DGKI: variants seen among roughly 807,000 people sequenced by gnomAD.
The protein encoded by DGKI is DAG kinase iota.
DGKI carries 55 observed loss-of-function variants against 147.5 expected under a neutral mutation model. That is an observed-to-expected ratio of 0.37 (90% confidence interval 0.30 to 0.47). The LOEUF (loss-of-function observed/expected upper bound fraction) is 0.47. Ranked by LOEUF, DGKI falls within the 20% of genes least tolerant of loss-of-function variation. DGKI has a pLI of 1.00. For synonymous variants in DGKI, 469 were observed against 477.1 expected, an observed-to-expected ratio of 0.98 and a Z score of 0.22; for missense variants, 1,007 against 1,323.8, an observed-to-expected ratio of 0.76 and a Z score of 3.71.
At chr7:137,625,352 C>T (rs968234172) in intron 6 of DGKI, among the ~76,000 whole-genome samples, 2 of 151,696 alleles carry the variant, frequency 1.3e-5, no homozygotes, top group South Asian at 2.1e-4. Context: ...CCCAGCTACT[C>T]GGGAGGCTGA....
intron 1 of DGKI, among the ~76,000 whole-genome samples, chr7:137,795,307 C>G (rs1052630033): frequency 1.3e-5 from 2 of 152,124 alleles, no homozygotes; most frequent in Non-Finnish European, 2.9e-5. Flanking sequence ...AACCAGTGGC[C>G]TAGTAGCTAT....
chr7:137,471,045 A>G (rs1038855589), intron 23 of DGKI, among the ~76,000 whole-genome samples: 3 of 152,246 alleles, frequency 2.0e-5, no homozygotes, highest in African/African-American at 7.2e-5. Context: ...TTAAGATTCC[A>G]AACTTTTAAA....
chr7:137,807,097 G>A (rs2116984254), intron 1 of DGKI, among the ~76,000 whole-genome samples: 1 of 152,292 alleles, frequency 6.6e-6, no homozygotes, highest in East Asian at 1.9e-4. Flanking sequence ...TCTGTTCTGT[G>A]TGATTACGAG....
chr7:137,826,526 G>A (rs780467431), intron 1 of DGKI, among the ~76,000 whole-genome samples: 28 of 152,332 alleles, frequency 1.8e-4, no homozygotes, highest in Admixed American at 8.5e-4. Context: ...ATGTAACAGT[G>A]TTAGACAGTA....
chr7:137,485,118 T>C (rs1815506934), intron 23 of DGKI, among the ~76,000 whole-genome samples: 1 of 152,066 alleles, frequency 6.6e-6, no homozygotes, highest in Non-Finnish European at 1.5e-5. Flanking sequence ...TTCTGGTATT[T>C]GTTACTGAAA....
intron 6 of DGKI, among the ~76,000 whole-genome samples, chr7:137,642,158 C>A (rs940490802): frequency 6.6e-6 from 1 of 152,210 alleles, no homozygotes; most frequent in African/African-American, 2.4e-5. Context: ...CTCCATCCTT[C>A]TCTACTCAAT....
chr7:137,763,254 C>T (rs1795914562), intron 1 of DGKI, among the ~76,000 whole-genome samples: 1 of 152,214 alleles, frequency 6.6e-6, no homozygotes, highest in Non-Finnish European at 1.5e-5. Context: ...AAGAATGATG[C>T]TATCTGACTA....
At chr7:137,544,981 AGAAATATACAG>A (rs1817818444) in intron 20 of DGKI, among the ~76,000 whole-genome samples, 1 of 152,226 alleles carries the variant, frequency 6.6e-6, no homozygotes, top group Non-Finnish European at 1.5e-5. Context: ...GTGGGCCTTG[AGAAATATACAG>A]GATCCTGACA....
intron 3 of DGKI, among the ~76,000 whole-genome samples, chr7:137,671,792 A>G (rs1822850425): frequency 6.6e-6 from 1 of 152,238 alleles, no homozygotes; most frequent in South Asian, 2.1e-4. Flanking sequence ...TGCAAGCAAC[A>G]TTAGAAGAAA....
chr7:137,699,803 G>A (rs933622885), intron 1 of DGKI, among the ~76,000 whole-genome samples: 1 of 152,060 alleles, frequency 6.6e-6, no homozygotes, highest in Non-Finnish European at 1.5e-5. Context: ...AATTTCACCT[G>A]GACGCCTATA....
At chr7:137,517,593 G>A (rs1290150300) in intron 21 of DGKI, among the ~76,000 whole-genome samples, 2 of 152,182 alleles carry the variant, frequency 1.3e-5, no homozygotes, top group South Asian at 4.1e-4. Context: ...AACGCACCAT[G>A]GTAATGTAAA....
In DGKI at chr7:137,521,952, G is replaced by A. The variant is rs1431090838; in HGVS notation, c.2162C>T (p.Pro721Leu). 1 of 1,610,810 alleles carries A rather than the reference G, an allele frequency of 6.2e-7. No individual in the cohort carries two copies. Among genetic ancestry groups the A allele is most frequent in the African/African-American group, 1.3e-5 (1 of 74,734 alleles). Residue 721 changes from proline (P) to leucine (L), a missense_variant, in exon 21 of 33, where the codon CCA becomes CTA. Coordinates refer to ENST00000614521, the MANE Select transcript of DGKI (RefSeq NM_001321708.2). The part of the protein sequence containing the change: ...MPLLNDPQSV[P>L]DRLRIRVNKI... Reference sequence around the variant, plus strand: ...GTTCACCCGGATCCTCAGACGATCTGGGACAGACTGGGGACTGCAAAACAA... The same window carrying A: ...GTTCACCCGGATCCTCAGACGATCTAGGACAGACTGGGGACTGCAAAACAA...
At chr7:137,786,843 T>TC (rs1796687415) in intron 1 of DGKI, among the ~76,000 whole-genome samples, 1 of 152,064 alleles carries the variant, frequency 6.6e-6, no homozygotes, top group Non-Finnish European at 1.5e-5. Flanking sequence ...CAACTGATCT[T>TC]CAACAAAACA....
At chr7:137,792,076 A>G (rs1796870957) in intron 1 of DGKI, among the ~76,000 whole-genome samples, 1 of 152,216 alleles carries the variant, frequency 6.6e-6, no homozygotes, top group Admixed American at 6.5e-5. Context: ...CTGAGGCATG[A>G]GCCATAGGTC....
chr7:137,506,644 T>G (rs565722816), intron 21 of DGKI, among the ~76,000 whole-genome samples: 24 of 152,200 alleles, frequency 1.6e-4, no homozygotes, highest in African/African-American at 4.8e-4. Flanking sequence ...TAGTAACAAA[T>G]GAACCACATT....
In DGKI at chr7:137,831,900, T is replaced by C. The variant is rs534703127; in HGVS notation, c.401+14562A>G. 5.3e-5 allele frequency among the ~76,000 whole-genome samples: 8 copies of C among 152,306 alleles called. No homozygotes were observed. In the South Asian group the frequency reaches 1.7e-3, roughly 32 times the overall value. On this transcript the variant is annotated intron_variant, in intron 1 of 32. Transcript: ENST00000614521. ...ACAAACATTGGGTAAATACAGCCAT[T>C]CCAAATGGGAGAGACTGGCCAAAAC...
chr7:137,661,222 G>A (rs896487996), intron 3 of DGKI, among the ~76,000 whole-genome samples: 1 of 152,152 alleles, frequency 6.6e-6, no homozygotes, highest in Non-Finnish European at 1.5e-5. Context: ...GAAGGCAGTA[G>A]GAAAAGAGCC....
In DGKI at chr7:137,632,469, T is replaced by C. The variant is rs548637818; in HGVS notation, c.805-8915A>G. ...GTTGTATGCTGAGGAGAGAGAGAAATGTCCAAATATTCTAAAGACTAATGG... is the reference window on the plus strand; with the variant it reads ...GTTGTATGCTGAGGAGAGAGAGAAACGTCCAAATATTCTAAAGACTAATGG... On this transcript the variant is annotated intron_variant, in intron 6 of 32. Coordinates refer to ENST00000614521, the MANE Select transcript of DGKI (RefSeq NM_001321708.2). 5.3e-5 allele frequency among the ~76,000 whole-genome samples: 8 copies of C among 152,248 alleles called. No individual in the cohort carries two copies. In the East Asian group the frequency reaches 1.4e-3, roughly 26 times the overall value.
chr7:137,395,640 A>C lies in DGKI; in HGVS notation c.3015T>G (p.Leu1005=), dbSNP rs751188877. The part of the protein sequence containing the change: ...ACQRNRAVCQ[L]LVDAGASLRK... Reference sequence around the variant, plus strand: ...TCAGAGATGCTCCTGCATCCACCAGAAGCTGGCACACAGCCCGGTTCCGCT... The same window carrying C: ...TCAGAGATGCTCCTGCATCCACCAGCAGCTGGCACACAGCCCGGTTCCGCT... The change falls in exon 32 of 33, where the codon CTT becomes CTG. Residue 1005 remains leucine, a synonymous_variant. Coordinates refer to ENST00000614521, the MANE Select transcript of DGKI (RefSeq NM_001321708.2). 1 of 1,614,162 alleles carries C rather than the reference A, an allele frequency of 6.2e-7. No homozygotes were observed. The highest frequency in any genetic ancestry group is 2.2e-5 in the East Asian group (1 of 44,876).
Sources: allele counts gnomAD v4.1 joint callset (sites outside exome capture counted in the v4.1 genomes callset), GRCh38; gene constraint gnomAD v4.1.1; transcripts MANE v1.5; gene names NCBI Gene and HGNC (gene_info 2026-07-23, HGNC 2026-07-21).